The following RPTOR variants were observed in gnomAD, a reference collection of about 807,000 sequenced individuals.
The protein encoded by RPTOR is regulatory-associated protein of mTOR.
Under a neutral mutation model 169.9 loss-of-function variants are expected in RPTOR, and 21 were observed. The ratio of observed to expected loss-of-function variants is 0.12; its 90% CI spans 0.09 to 0.18. The LOEUF is 0.18. Ranked by LOEUF, RPTOR falls within the 10% of genes least tolerant of loss-of-function variation. The pLI is 1.00. For missense variants in RPTOR, 1,133 were observed against 1,855.9 expected, an observed-to-expected ratio of 0.61 and a Z score of 7.16; for synonymous variants, 732 against 753.2, an observed-to-expected ratio of 0.97 and a Z score of 0.46.
chr17:80,737,809 G>A (rs183058735), intron 5 of RPTOR, among the ~76,000 whole-genome samples: 10 of 133,144 alleles, frequency 7.5e-5, no homozygotes, highest in Admixed American at 2.2e-4. Flanking sequence ...TTTCTCCCCC[G>A]CCCCCCCGCC....
At position 80,721,052 on chromosome 17, in the gene RPTOR, G is replaced by T. The variant is rs1221550856; in HGVS notation, c.508-9508G>T. The stretch of plus-strand genomic sequence containing the variant: ...GAAACAGTCCCGGGTAAACACCAAG[G>T]CCTCGTGGGAGGCACCTAGGAGGTG... On this transcript the variant is annotated intron_variant, in intron 4 of 33. Transcript: ENST00000306801. The surrounding 1 kb of genome is among the most constrained non-coding windows in gnomAD (Gnocchi z 4.7). 6.6e-6 allele frequency among the ~76,000 whole-genome samples: 1 copy of T among 151,026 alleles called. No individual in the cohort carries two copies. The highest frequency in any genetic ancestry group is 2.5e-5 in the African/African-American group (1 of 40,380).
At position 80,640,108 on chromosome 17, in the gene RPTOR, A is replaced by G. The variant is rs527676421; in HGVS notation, c.266-3620A>G. Among the ~76,000 whole-genome samples the G allele has an allele frequency of 1.4e-4, 21 of 152,262 alleles. 1 individual carries two copies. Among genetic ancestry groups the G allele is most frequent in the African/African-American group, 4.8e-4 (20 of 41,556 alleles). ...GAACTAAAAGTTTTATGCAAATACC[A>G]TTTACCATCTCCTTTTCCATCCACC... On this transcript the variant is annotated intron_variant, in intron 2 of 33. Transcript: ENST00000306801.
intron 10 of RPTOR, among the ~76,000 whole-genome samples, chr17:80,842,097 T>C (rs145763809): frequency 1.3e-5 from 2 of 152,252 alleles, no homozygotes; most frequent in African/African-American, 2.4e-5. Context: ...GTGGACACCA[T>C]TGAGTGTCCC....
intron 24 of RPTOR, among the ~76,000 whole-genome samples, chr17:80,939,915 C>T (rs2069002491): frequency 6.6e-6 from 1 of 152,212 alleles, no homozygotes; most frequent in South Asian, 2.1e-4. Flanking sequence ...CTGTCAGCCT[C>T]ACAGGCCACT....
At chr17:80,800,296 T>G (rs2067144151) in intron 7 of RPTOR, among the ~76,000 whole-genome samples, 1 of 152,206 alleles carries the variant, frequency 6.6e-6, no homozygotes, top group Admixed American at 6.5e-5. Flanking sequence ...TCCTCAGAAC[T>G]GCTGCACGAT....
chr17:80,763,462 CTG>C (rs1376507029), intron 6 of RPTOR, among the ~76,000 whole-genome samples: 2 of 152,184 alleles, frequency 1.3e-5, no homozygotes, highest in African/African-American at 4.8e-5. Flanking sequence ...CTGATGATGA[CTG>C]TGTGCACCTG....
chr17:80,949,088 A>T (rs1019852370), intron 27 of RPTOR, among the ~76,000 whole-genome samples: 1 of 151,770 alleles, frequency 6.6e-6, no homozygotes. Flanking sequence ...ACCGAGCTTC[A>T]CCCGCCTGCC....
chr17:80,801,804 G>A (rs1025401796), intron 7 of RPTOR: 1 of 152,198 alleles, frequency 6.6e-6, no homozygotes, highest in Non-Finnish European at 1.5e-5. Context: ...AGAGATCGCC[G>A]AGCGAGGGGG....
intron 5 of RPTOR, chr17:80,743,458 G>A (rs1598272508): frequency 2.0e-6 from 2 of 985,486 alleles, no homozygotes; most frequent in South Asian, 4.7e-5. Flanking sequence ...ACAGAGGCAG[G>A]AGAACACGTG....
rs2069383423 is a variant in RPTOR, at chr17:80,963,794, C to CTGCGGCCCTCACCCCGTCCGCTG, written c.3940-460_3940-438dup. Among the ~76,000 whole-genome samples, 8 of 97,662 alleles carry CTGCGGCCCTCACCCCGTCCGCTG rather than the reference C, an allele frequency of 8.2e-5. No individual in the cohort carries two copies. The East Asian group carries it at 1.2e-3, about 14-fold the overall frequency. 64.1% of individuals were successfully genotyped at this position (97,662 alleles called of 152,430 possible). On this transcript the variant is annotated intron_variant, in intron 33 of 33. Coordinates refer to ENST00000306801, the MANE Select transcript of RPTOR (RefSeq NM_020761.3). ...CTCTGCGGCCCTCACCCCGTCCCCTCTGCGGCCCTCACCCCGTCCGCTGTG... is the reference window on the plus strand; with the variant it reads ...CTCTGCGGCCCTCACCCCGTCCCCTCTGCGGCCCTCACCCCGTCCGCTGTGCGGCCCTCACCCCGTCCGCTGTG...
At chr17:80,921,457 G>A (rs1023627051) in intron 21 of RPTOR, among the ~76,000 whole-genome samples, 13 of 152,190 alleles carry the variant, frequency 8.5e-5, no homozygotes, top group South Asian at 2.1e-4. Context: ...AAACCACCCC[G>A]AAGCACCTGG....
At chr17:80,778,657 C>G (rs543034374) in intron 6 of RPTOR, among the ~76,000 whole-genome samples, 2 of 152,168 alleles carry the variant, frequency 1.3e-5, no homozygotes, top group South Asian at 4.2e-4. Context: ...AAAAATTAGC[C>G]TGGTATGGTG....
rs1187788076 is a variant in RPTOR at position 80,823,882 on chromosome 17, G to A, written c.1136+659G>A. 6.6e-6 allele frequency among the ~76,000 whole-genome samples: 1 copy of A among 152,164 alleles called. No individual in the cohort carries two copies. Among genetic ancestry groups the A allele is most frequent in the Non-Finnish European group, 1.5e-5 (1 of 68,036 alleles). The stretch of plus-strand genomic sequence containing the variant: ...GCAGGTTTGGGCAAATTCTAAAATG[G>A]TATTAAAACAAAGGAAAAATATTTC... On this transcript the variant is annotated intron_variant, in intron 9 of 33. Transcript: ENST00000306801. This position sits in a 1 kb window ranked among gnomAD's most constrained non-coding sequence, Gnocchi z 4.5.
intron 3 of RPTOR, among the ~76,000 whole-genome samples, chr17:80,650,370 GC>G (rs2065630562): frequency 6.6e-6 from 1 of 152,182 alleles, no homozygotes. Flanking sequence ...GGTGGAGTCC[GC>G]CTCCTCCCTT....
intron 20 of RPTOR, among the ~76,000 whole-genome samples, chr17:80,904,088 G>A (rs936940916): frequency 5.3e-5 from 8 of 152,264 alleles, no homozygotes; most frequent in Non-Finnish European, 1.0e-4. Context: ...CGGCCCGGGA[G>A]GTGCTGCGTC....
intron 21 of RPTOR, among the ~76,000 whole-genome samples, chr17:80,914,268 C>A (rs1053640051): frequency 6.6e-6 from 1 of 152,226 alleles, no homozygotes; most frequent in African/African-American, 2.4e-5. Flanking sequence ...AGGGTGGGAG[C>A]CTCATGCTCC....
At chr17:80,883,169 G>A (rs927916546) in intron 14 of RPTOR, among the ~76,000 whole-genome samples, 7 of 152,204 alleles carry the variant, frequency 4.6e-5, no homozygotes, top group Admixed American at 6.5e-5. Flanking sequence ...GTCTGTGCCC[G>A]TCTTGCAGTG....
chr17:80,835,491 G>A (rs1310058144), intron 9 of RPTOR, among the ~76,000 whole-genome samples: 3 of 152,164 alleles, frequency 2.0e-5, no homozygotes, highest in Non-Finnish European at 1.5e-5. Flanking sequence ...CAGAAAGGGA[G>A]AGTAGGGCTG....
intron 28 of RPTOR, among the ~76,000 whole-genome samples, chr17:80,956,736 C>T (rs138460337): frequency 3.9e-5 from 6 of 152,330 alleles, no homozygotes; most frequent in East Asian, 1.9e-4. Context: ...CTGCTCTGAA[C>T]GGTGGGCACC....
Sources: allele counts gnomAD v4.1 joint callset (sites outside exome capture counted in the v4.1 genomes callset), GRCh38; gene constraint gnomAD v4.1.1; non-coding constraint Gnocchi (gnomAD v3.1); transcripts MANE v1.5; gene names NCBI Gene and HGNC (gene_info 2026-07-23, HGNC 2026-07-21).